Variants in ZC3H12B observed in about 807,000 individuals in gnomAD.
ZC3H12B encodes zinc finger CCCH-type containing 12B.
Under a neutral mutation model 43.9 loss-of-function variants are expected in ZC3H12B, and 7 were observed. That is an observed-to-expected ratio of 0.16 (90% confidence interval 0.09 to 0.30). ZC3H12B has a LOEUF of 0.30. Ranked by LOEUF, ZC3H12B falls within the 10% of genes least tolerant of loss-of-function variation. The pLI is 1.00. For missense variants in ZC3H12B, 475 were observed against 670.2 expected (o/e 0.71, Z 3.22); for synonymous variants, 222 against 241.7 (o/e 0.92, Z 0.76).
the ZC3H12B span, among the ~76,000 whole-genome samples, chrX:65,332,719 G>A: frequency 9.0e-6 from 1 of 111,693 alleles, no homozygotes; most frequent in Non-Finnish European, 1.9e-5. Flanking sequence ...AACAACTGAT[G>A]AGATTAGAAT....
At chrX:65,073,630 A>G in the ZC3H12B span, among the ~76,000 whole-genome samples, 2 of 112,179 alleles carry the variant, frequency 1.8e-5, no homozygotes, top group African/African-American at 6.5e-5. Flanking sequence ...GCACTTCGCT[A>G]TATTCCCACA....
At chrX:65,114,957 T>C in the ZC3H12B span, among the ~76,000 whole-genome samples, 1 of 75,974 alleles carries the variant, frequency 1.3e-5, no homozygotes, top group Non-Finnish European at 2.5e-5. Context: ...TTTCCACAAA[T>C]GTTTACAATG....
chrX:65,181,432 C>G, the ZC3H12B span, among the ~76,000 whole-genome samples: 1 of 111,584 alleles, frequency 9.0e-6, no homozygotes, highest in Non-Finnish European at 1.9e-5. Flanking sequence ...AGAGCTTCTG[C>G]ACAGCAAAAC....
chrX:65,317,083 A>G, the ZC3H12B span, among the ~76,000 whole-genome samples: 9 of 111,412 alleles, frequency 8.1e-5, no homozygotes, highest in Non-Finnish European at 1.3e-4. Flanking sequence ...GGTAAATTAA[A>G]CAAGAAAACC....
At chrX:65,357,750 A>G in the ZC3H12B span, among the ~76,000 whole-genome samples, 59 of 112,068 alleles carry the variant, frequency 5.3e-4, no homozygotes, top group African/African-American at 1.8e-3. Context: ...ATCAAATTGT[A>G]AAGGCCGTAA....
chrX:65,442,126 C>A (rs1389137352), intron 3 of ZC3H12B, among the ~76,000 whole-genome samples: 1 of 107,726 alleles, frequency 9.3e-6, no homozygotes, highest in African/African-American at 3.4e-5. Context: ...TTTCCTTTAT[C>A]CACTTTTAGT....
chrX:65,098,056 TTTAAAA>T, the ZC3H12B span, among the ~76,000 whole-genome samples: 1 of 111,801 alleles, frequency 8.9e-6, no homozygotes, highest in Admixed American at 9.6e-5. Context: ...ATCAGGATCC[TTTAAAA>T]TTATTTTGGG....
chrX:65,224,105 G>T, the ZC3H12B span, among the ~76,000 whole-genome samples: 1 of 112,387 alleles, frequency 8.9e-6, no homozygotes, highest in African/African-American at 3.2e-5. Flanking sequence ...TATATACAAT[G>T]GAATATTACT....
At chrX:65,290,589 G>A in the ZC3H12B span, among the ~76,000 whole-genome samples, 1 of 111,448 alleles carries the variant, frequency 9.0e-6, no homozygotes, top group South Asian at 3.7e-4. Context: ...CAATACCAAA[G>A]ATATGGATTC....
At chrX:65,268,581 C>T in the ZC3H12B span, among the ~76,000 whole-genome samples, 1 of 112,490 alleles carries the variant, frequency 8.9e-6, no homozygotes, top group Non-Finnish European at 1.9e-5. Context: ...AGGCTTATGT[C>T]TAGCATGCAA....
the ZC3H12B span, among the ~76,000 whole-genome samples, chrX:65,258,605 T>A: frequency 9.0e-6 from 1 of 111,568 alleles, no homozygotes; most frequent in South Asian, 3.7e-4. Flanking sequence ...GGCTCTTAAA[T>A]AGGAAGAGAG....
At chrX:65,501,890 C>T in exon 5 of ZC3H12B, 1 of 1,209,652 alleles carries the variant, frequency 8.3e-7, no homozygotes, top group Non-Finnish European at 1.1e-6. Flanking sequence ...CAGTGCCAAA[C>T]TGTCCACAGT....
chrX:65,207,251 T>A, the ZC3H12B span, among the ~76,000 whole-genome samples: 1 of 101,037 alleles, frequency 9.9e-6, no homozygotes, highest in Non-Finnish European at 2.0e-5. Context: ...TGTGTATATA[T>A]ACACACACAC....
the ZC3H12B span, among the ~76,000 whole-genome samples, chrX:65,318,393 C>CCTT: frequency 9.4e-6 from 1 of 105,890 alleles, no homozygotes; most frequent in Non-Finnish European, 1.9e-5. Flanking sequence ...CCTTCTTCTT[C>CCTT]CTTCTTCTTC....
the ZC3H12B span, among the ~76,000 whole-genome samples, chrX:65,202,190 T>TATATATA: frequency 3.5e-5 from 3 of 86,225 alleles, no homozygotes; most frequent in Non-Finnish European, 6.6e-5. Flanking sequence ...TAATATATAT[T>TATATATA]ATATATAATA....
chrX:65,427,214 C>T (rs911863030), intron 3 of ZC3H12B, among the ~76,000 whole-genome samples: 3 of 111,394 alleles, frequency 2.7e-5, no homozygotes, highest in African/African-American at 9.8e-5. Flanking sequence ...TTATGTAATG[C>T]CCTTCTTTGT....
the ZC3H12B span, among the ~76,000 whole-genome samples, chrX:65,159,543 T>G: frequency 8.9e-6 from 1 of 111,765 alleles, no homozygotes; most frequent in African/African-American, 3.3e-5. Flanking sequence ...GAATGGGAGT[T>G]CACTCATGAT....
At chrX:65,444,979 T>C (rs1419380705) in intron 3 of ZC3H12B, among the ~76,000 whole-genome samples, 1 of 112,196 alleles carries the variant, frequency 8.9e-6, no homozygotes, top group African/African-American at 3.2e-5. Context: ...CTTTATCAAT[T>C]CTGCTATTGA....
chrX:65,338,640 C>A, the ZC3H12B span, among the ~76,000 whole-genome samples: 1 of 112,193 alleles, frequency 8.9e-6, no homozygotes, highest in Non-Finnish European at 1.9e-5. Context: ...CTGAATCTGG[C>A]AGCACATCAA....
Sources: gnomAD v4.1 joint callset for allele counts (sites outside exome capture counted in the v4.1 genomes callset) on GRCh38, gnomAD v4.1.1 for gene constraint, MANE v1.5 for transcripts, NCBI Gene and HGNC (gene_info 2026-07-23, HGNC 2026-07-21) for gene names.